The following VAMP5 variants were observed in gnomAD, a reference collection of about 807,000 sequenced individuals.
VAMP5 encodes the protein vesicle-associated membrane protein 5.
In VAMP5, 10 loss-of-function variants were observed where a neutral mutation model predicts 8.1. The observed-to-expected ratio is 1.23, with a 90% CI of 0.76 to 2.09. The LOEUF is 2.09. Among genes scored for constraint, VAMP5 ranks in the 30% most tolerant of loss-of-function variants. VAMP5 has a pLI of 0.00. For synonymous variants in VAMP5, 62 were observed against 60.6 expected, an observed-to-expected ratio of 1.02 and a Z score of -0.11; for missense variants, 135 against 152.5, an observed-to-expected ratio of 0.89 and a Z score of 0.60.
rs559355408 is a variant in VAMP5, at chr2:85,586,104, C to A, written c.3+1611C>A. 2.0e-5 allele frequency among the ~76,000 whole-genome samples: 3 copies of A among 152,320 alleles called. No individual in the cohort carries two copies. In the East Asian group the frequency reaches 5.8e-4, roughly 29 times the overall value. On this transcript the variant is annotated intron_variant, in intron 1 of 2. Coordinates refer to ENST00000306384, the MANE Select transcript of VAMP5 (RefSeq NM_006634.3). ...ACACAAATTAGGTTGGTAGCATCAA[C>A]CAGATTCTTTAGCCAATCAGCTAAA...
Position 85,591,788 on chromosome 2 carries a change from A to G in VAMP5, c.67A>G (p.Asn23Asp). 3 of 1,614,126 alleles carry G rather than the reference A, an allele frequency of 1.9e-6. No individual in the cohort carries two copies. The highest frequency in any genetic ancestry group is 2.5e-6 in the Non-Finnish European group (3 of 1,180,000). ...ANEVTEIMRN[N>D]FGKVLERGVK... is the part of the protein sequence containing the mutation. ...CGAGGTGACGGAAATTATGCGTAAC[A>G]ACTTCGGCAAGGTCCTGGAGCGTGG... Residue 23 changes from asparagine (N) to aspartate (D), a missense_variant, in exon 2 of 3, where the codon AAC (asparagine) becomes GAC (aspartate). Transcript: ENST00000306384.
Position 85,592,960 on chromosome 2 carries a change from A to C in VAMP5, c.154A>C (p.Asn52His). 2 of 1,613,918 alleles carry C rather than the reference A, an allele frequency of 1.2e-6. No individual in the cohort carries two copies. Among genetic ancestry groups the C allele is most frequent in the Non-Finnish European group, 1.7e-6 (2 of 1,180,012 alleles). The change falls in exon 3 of 3, where the codon AAC becomes CAC. Residue 52 changes from asparagine to histidine, a missense_variant. Asn to His is a moderately conservative substitution (Grantham distance 68, BLOSUM62 1). Coordinates refer to ENST00000306384, the MANE Select transcript of VAMP5 (RefSeq NM_006634.3). ...GGGGTATCCGCAGAGCTCAACCTTC[A>C]ACAAGACTACACAGAACCTGGCCCA... is the stretch of plus-strand genomic sequence containing the variant. ...DQLLDMSSTF[N>H]KTTQNLAQKK...
At chr2:85,588,919 G>A (rs1290913661) in intron 1 of VAMP5, among the ~76,000 whole-genome samples, 1 of 152,126 alleles carries the variant, frequency 6.6e-6, no homozygotes. Flanking sequence ...GTATCGCACA[G>A]TGTAACTCTT....
chr2:85,589,948 G>A (rs189511038), intron 1 of VAMP5, among the ~76,000 whole-genome samples: 12 of 152,318 alleles, frequency 7.9e-5, no homozygotes, highest in Non-Finnish European at 1.2e-4. Flanking sequence ...GTGAGCCACT[G>A]CGCCCAGCCT....
intron 1 of VAMP5, 28 bp from the exon 2 acceptor site, chr2:85,591,697 C>T (rs778348841): frequency 6.2e-7 from 1 of 1,613,480 alleles, no homozygotes; most frequent in African/African-American, 1.3e-5. Flanking sequence ...GGGCCTCATG[C>T]AGCCCTGACC....
At chr2:85,589,267 C>A (rs1200257547) in intron 1 of VAMP5, among the ~76,000 whole-genome samples, 5 of 152,234 alleles carry the variant, frequency 3.3e-5, no homozygotes, top group Non-Finnish European at 5.9e-5. Context: ...TTATTTCTCA[C>A]AGTGCCAGCA....
chr2:85,587,664 C>T (rs960999761), intron 1 of VAMP5, among the ~76,000 whole-genome samples: 2 of 151,972 alleles, frequency 1.3e-5, no homozygotes, highest in Admixed American at 6.6e-5. Context: ...ATGTGTCAGG[C>T]GTTGTGCTAA....
chr2:85,590,607 T>C (rs1672524974), intron 1 of VAMP5, among the ~76,000 whole-genome samples: 4 of 152,240 alleles, frequency 2.6e-5, no homozygotes. Context: ...TTCAGTCAAG[T>C]GCCAAAATGT....
chr2:85,590,979 C>G (rs1312102953), intron 1 of VAMP5, among the ~76,000 whole-genome samples: 1 of 152,210 alleles, frequency 6.6e-6, no homozygotes, highest in Admixed American at 6.5e-5. Flanking sequence ...AAAGCTGCCC[C>G]CCAGGCTGGG....
intron 1 of VAMP5, among the ~76,000 whole-genome samples, chr2:85,585,448 G>C (rs947803202): frequency 6.6e-6 from 1 of 152,220 alleles, no homozygotes; most frequent in East Asian, 1.9e-4. Context: ...TATCTCCAGG[G>C]AACTTGGAGG....
intron 1 of VAMP5, among the ~76,000 whole-genome samples, chr2:85,590,035 T>C (rs958604119): frequency 1.3e-5 from 2 of 152,096 alleles, no homozygotes; most frequent in East Asian, 1.9e-4. Context: ...GTAGTAATAA[T>C]AGTGATGACG....
chr2:85,591,621 T>G, intron 1 of VAMP5, 104 bp from the exon 2 acceptor site: 1 of 1,544,168 alleles, frequency 6.5e-7, no homozygotes, highest in South Asian at 1.2e-5. Flanking sequence ...GTTACTCTCA[T>G]GCTGTACCCA....
intron 1 of VAMP5, chr2:85,591,512 G>A (rs1672536806): frequency 1.3e-5 from 8 of 638,242 alleles, no homozygotes; most frequent in African/African-American, 3.7e-5. Context: ...CTGCCTTGAC[G>A]TGCAAGGGGA....
At chr2:85,586,369 G>A (rs1290575305) in intron 1 of VAMP5, among the ~76,000 whole-genome samples, 3 of 152,034 alleles carry the variant, frequency 2.0e-5, no homozygotes, top group Non-Finnish European at 4.4e-5. Flanking sequence ...GAGTTCAACA[G>A]TTCAAGACCA....
At chr2:85,584,573 C>G in intron 1 of VAMP5, 80 bp downstream of exon 1, 1 of 1,230,714 alleles carries the variant, frequency 8.1e-7, no homozygotes, top group Non-Finnish European at 1.0e-6. Context: ...AGTCCAAAGT[C>G]CGCGGGCTGG....
intron 2 of VAMP5, 119 bp downstream of exon 2, chr2:85,591,981 G>A: frequency 4.1e-6 from 6 of 1,472,484 alleles, no homozygotes; most frequent in Non-Finnish European, 5.5e-6. Flanking sequence ...GCCAGTGTGG[G>A]GCCTCTGGGT....
chr2:85,588,596 C>CA (rs1672495800), intron 1 of VAMP5, among the ~76,000 whole-genome samples: 1 of 152,166 alleles, frequency 6.6e-6, no homozygotes, highest in Non-Finnish European at 1.5e-5. Flanking sequence ...GCCTCTCTGC[C>CA]ATTTTCTTAC....
At position 85,586,404 on chromosome 2, in the gene VAMP5, G is replaced by A. The variant is rs577774664; in HGVS notation, c.3+1911G>A. ...AGCCTGGCAAACATGGTGAAATCCC[G>A]TCTCTACTAAAAATATAAAAAAATA... On this transcript the variant is annotated intron_variant, in intron 1 of 2. Transcript: ENST00000306384. 5.3e-5 allele frequency among the ~76,000 whole-genome samples: 8 copies of A among 152,160 alleles called. No individual in the cohort carries two copies. In the East Asian group the frequency reaches 9.7e-4, roughly 18 times the overall value.
In VAMP5 at chr2:85,593,110, G is replaced by A; in HGVS notation, c.304G>A (p.Ala102Thr). ...CCCTCAGAGCAGTGACAGCAGTAGT[G>A]CCCCACGGACCCAGGATGCAGGCAT... ...FLPQSSDSSS[A>T]PRTQDAGIAS... is the part of the protein sequence containing the mutation. The change falls in exon 3 of 3, where the codon GCC becomes ACC. Residue 102 changes from alanine (A) to threonine (T), a missense_variant. By Grantham distance (58) the Ala-to-Thr change is moderately conservative. Transcript: ENST00000306384. The A allele has an allele frequency of 6.2e-7, 1 of 1,614,242 alleles. No individual in the cohort carries two copies. The highest frequency in any genetic ancestry group is 8.5e-7 in the Non-Finnish European group (1 of 1,180,050).
Sources: allele counts gnomAD v4.1 joint callset (sites outside exome capture counted in the v4.1 genomes callset), GRCh38; gene constraint gnomAD v4.1.1; transcripts MANE v1.5; gene names NCBI Gene and HGNC (gene_info 2026-07-23, HGNC 2026-07-21).